Variants in EFHB observed in about 807,000 individuals in gnomAD.
The protein encoded by EFHB is EF-hand domain-containing family member B.
EFHB carries 91 observed loss-of-function variants against 87.2 expected under a neutral mutation model. That is an observed-to-expected ratio of 1.04 (90% CI 0.88 to 1.24). The LOEUF is 1.24. EFHB is among the 50% of genes most tolerant of loss of function. The pLI, the probability that EFHB is intolerant of heterozygous loss-of-function variation, is 0.00. For synonymous variants in EFHB, 325 were observed against 333.6 expected (o/e 0.97, Z 0.28); for missense variants, 1,084 against 998.8 (o/e 1.09, Z -1.15).
At chr3:19,924,316 T>C (rs1044553429) in intron 1 of EFHB, among the ~76,000 whole-genome samples, 1 of 151,454 alleles carries the variant, frequency 6.6e-6, no homozygotes, top group African/African-American at 2.4e-5. Context: ...CAGGTTCAAG[T>C]GATTCTCCTG....
chr3:19,920,635 A>G (rs1695407163), intron 1 of EFHB, 68 bp from the exon 2 acceptor site: 2 of 1,325,304 alleles, frequency 1.5e-6, no homozygotes, highest in Non-Finnish European at 2.1e-6. Context: ...AATGAAATTT[A>G]TTTCAAACTT....
chr3:19,887,382 CAAAAAAA>C (rs532733257), intron 10 of EFHB, among the ~76,000 whole-genome samples: 12 of 95,500 alleles, frequency 1.3e-4, no homozygotes, highest in Admixed American at 3.7e-4. Context: ...AAGACCCTAT[CAAAAAAA>C]AAAAAAAAAA....
At chr3:19,895,627 A>G (rs1254854588) in intron 9 of EFHB, among the ~76,000 whole-genome samples, 1 of 152,154 alleles carries the variant, frequency 6.6e-6, no homozygotes, top group Non-Finnish European at 1.5e-5. Context: ...TATTCATGTC[A>G]CTACCATTAT....
intron 7 of EFHB, 33 bp from the exon 8 acceptor site, chr3:19,898,878 CCCA>C: frequency 6.3e-7 from 1 of 1,597,554 alleles, no homozygotes; most frequent in Non-Finnish European, 8.6e-7. Flanking sequence ...AGTTAAAATA[CCCA>C]CCACATGGCA....
chr3:19,891,367 C>T (rs1694300208), intron 9 of EFHB, among the ~76,000 whole-genome samples: 1 of 141,462 alleles, frequency 7.1e-6, no homozygotes, highest in South Asian at 2.4e-4. Context: ...AGAAGTGATC[C>T]TTTAGAAAAA....
At chr3:19,891,681 A>G (rs1163101900) in intron 9 of EFHB, among the ~76,000 whole-genome samples, 2 of 152,190 alleles carry the variant, frequency 1.3e-5, no homozygotes, top group Non-Finnish European at 2.9e-5. Context: ...ACTGCAAACT[A>G]TAGGACAAAA....
At chr3:19,901,980 A>G in intron 6 of EFHB, among the ~76,000 whole-genome samples, 1 of 152,066 alleles carries the variant, frequency 6.6e-6, no homozygotes. Context: ...TCCAAGGTAC[A>G]TAATTAGGAA....
intron 1 of EFHB, among the ~76,000 whole-genome samples, chr3:19,920,880 T>G (rs1186025760): frequency 2.0e-5 from 3 of 152,176 alleles, no homozygotes; most frequent in Non-Finnish European, 2.9e-5. Context: ...AATCTTCTCA[T>G]AGATCACAGG....
At chr3:19,896,015 A>G (rs968750369) in intron 9 of EFHB, among the ~76,000 whole-genome samples, 1 of 152,218 alleles carries the variant, frequency 6.6e-6, no homozygotes, top group African/African-American at 2.4e-5. Context: ...ACATTGAATG[A>G]TCTTACACTC....
In EFHB at chr3:19,910,363, T is replaced by C. The variant is rs539466292; in HGVS notation, c.1289-4614A>G. Among the ~76,000 whole-genome samples, 7 of 152,244 alleles carry C rather than the reference T, an allele frequency of 4.6e-5. No homozygotes were observed. The East Asian group carries it at 1.2e-3, about 25-fold the overall frequency. ...CGGTGGCTACCCAGTGAGGTTCCTC[T>C]GTCTTTGGGAGGGGGAGGGAAGAGT... On this transcript the variant is annotated intron_variant, in intron 5 of 12. Coordinates refer to ENST00000295824, the MANE Select transcript of EFHB (RefSeq NM_144715.4).
In EFHB at chr3:19,921,822, G is replaced by A. The variant is rs543141818; in HGVS notation, c.790-1255C>T. Among the ~76,000 whole-genome samples, 3 of 152,106 alleles carry A rather than the reference G, an allele frequency of 2.0e-5. No individual in the cohort carries two copies. The South Asian group carries it at 6.2e-4, about 32-fold the overall frequency. On this transcript the variant is annotated intron_variant, in intron 1 of 12. Coordinates refer to ENST00000295824, the MANE Select transcript of EFHB (RefSeq NM_144715.4). ...TATAAGAAATCTCACTAATACCAGGGAATATTGTCTCTCTCTATACTTAGG... is the reference window on the plus strand; with the variant it reads ...TATAAGAAATCTCACTAATACCAGGAAATATTGTCTCTCTCTATACTTAGG...
intron 9 of EFHB, among the ~76,000 whole-genome samples, chr3:19,892,107 C>T (rs1382037796): frequency 6.6e-6 from 1 of 152,136 alleles, no homozygotes; most frequent in Admixed American, 6.6e-5. Context: ...TGGGTCTAGT[C>T]CCAACAGTAG....
At chr3:19,945,292 T>C (rs562417438) in intron 1 of EFHB, among the ~76,000 whole-genome samples, 2 of 152,218 alleles carry the variant, frequency 1.3e-5, no homozygotes, top group Non-Finnish European at 2.9e-5. Flanking sequence ...GGGACTAGAG[T>C]TAAAGAACTT....
At chr3:19,933,010 G>A (rs775193456) in intron 1 of EFHB, among the ~76,000 whole-genome samples, 5 of 152,148 alleles carry the variant, frequency 3.3e-5, no homozygotes, top group Non-Finnish European at 5.9e-5. Context: ...ACAAACCACC[G>A]GTGTGCAGAG....
chr3:19,904,135 G>T (rs545618503), intron 6 of EFHB, among the ~76,000 whole-genome samples: 1 of 152,148 alleles, frequency 6.6e-6, no homozygotes, highest in Non-Finnish European at 1.5e-5. Context: ...AACCTAGAGG[G>T]CCATTGTCTC....
At chr3:19,923,282 A>G (rs950174906) in intron 1 of EFHB, among the ~76,000 whole-genome samples, 5 of 152,002 alleles carry the variant, frequency 3.3e-5, no homozygotes, top group Non-Finnish European at 5.9e-5. Context: ...GGAAAAAAAA[A>G]AAAAGCCCCA....
At chr3:19,939,573 A>G (rs1696108518) in intron 1 of EFHB, among the ~76,000 whole-genome samples, 1 of 151,426 alleles carries the variant, frequency 6.6e-6, no homozygotes, top group South Asian at 2.1e-4. Context: ...TTTAGTAGCG[A>G]TGGGGTTTCA....
chr3:19,885,221 TCAA>T (rs1273045569), intron 10 of EFHB, among the ~76,000 whole-genome samples: 95 of 119,796 alleles, frequency 7.9e-4, no homozygotes, highest in African/African-American at 2.8e-3. Context: ...AGACTTCGTC[TCAA>T]AAAAAAAAAA....
chr3:19,930,908 C>T (rs888642566), intron 1 of EFHB, among the ~76,000 whole-genome samples: 3 of 151,972 alleles, frequency 2.0e-5, no homozygotes, highest in Admixed American at 1.3e-4. Context: ...CAAGGTGGGC[C>T]GAACACTTGA....
Sources: allele counts gnomAD v4.1 joint callset (sites outside exome capture counted in the v4.1 genomes callset), GRCh38; gene constraint gnomAD v4.1.1; transcripts MANE v1.5; gene names NCBI Gene and HGNC (gene_info 2026-07-23, HGNC 2026-07-21).